The following RRH variants were observed in gnomAD, a reference collection of about 807,000 sequenced individuals.
The protein encoded by RRH is visual pigment-like receptor peropsin.
A neutral mutation model predicts 33.1 loss-of-function variants in RRH; 36 were observed. The observed-to-expected ratio is 1.09, with a 90% CI of 0.83 to 1.44. RRH has a LOEUF of 1.44. RRH is among the 40% of genes most tolerant of loss of function. The pLI is 0.00. For missense variants in RRH, 393 were observed against 420.2 expected, an observed-to-expected ratio of 0.94 and a Z score of 0.57; for synonymous variants, 124 against 140.2, an observed-to-expected ratio of 0.88 and a Z score of 0.82.
Position 109,833,183 on chromosome 4 carries a change from A to G in RRH, c.151A>G (p.Ile51Val), listed in dbSNP as rs1455086447. Residue 51 changes from isoleucine to valine, a missense_variant, in exon 2 of 7, where the codon ATT becomes GTT. Coordinates refer to ENST00000317735, the MANE Select transcript of RRH (RefSeq NM_006583.5). ...CAACATAATAGTTCTGGGCATCTTC[A>G]TTAAGTACAAGGAACTTCGGACACC... ...ISNIIVLGIF[I>V]KYKELRTPTN... The G allele has an allele frequency of 1.8e-5, 29 of 1,613,884 alleles. No homozygotes were observed. The highest frequency in any genetic ancestry group is 2.4e-5 in the Non-Finnish European group (28 of 1,179,882).
intron 1 of RRH, among the ~76,000 whole-genome samples, chr4:109,832,055 T>C (rs1003954504): frequency 6.6e-6 from 1 of 151,614 alleles, no homozygotes; most frequent in Non-Finnish European, 1.5e-5. Flanking sequence ...AAGTAATTCT[T>C]TTCTTGATGG....
rs1733881247 is a variant in RRH, at chr4:109,836,151, A to G, written c.542A>G (p.Lys181Arg). The G allele has an allele frequency of 1.9e-6, 3 of 1,614,164 alleles. No individual in the cohort carries two copies. The East Asian group carries it at 6.7e-5, about 36-fold the overall frequency. The change falls in exon 4 of 7, where the codon AAA becomes AGA. Residue 181 changes from lysine to arginine, a missense_variant. Lys to Arg is a conservative substitution (Grantham distance 26, BLOSUM62 2). Coordinates refer to ENST00000317735, the MANE Select transcript of RRH (RefSeq NM_006583.5). ...TGATCTINWR[K>R]NDRSFVSYTM... ...GCTACGTGTACCATAAACTGGAGGA[A>G]AAATGATAGGTAAGAGACAAGTTTA...
chr4:109,834,300 C>G, intron 2 of RRH, among the ~76,000 whole-genome samples: 1 of 147,844 alleles, frequency 6.8e-6, no homozygotes, highest in South Asian at 2.2e-4. Flanking sequence ...CTTATTGGAC[C>G]TTTGTTGCCA....
chr4:109,842,113 A>C (rs1164737313), intron 5 of RRH, among the ~76,000 whole-genome samples: 3 of 152,206 alleles, frequency 2.0e-5, no homozygotes, highest in Non-Finnish European at 4.4e-5. Flanking sequence ...TCATAGCATA[A>C]TGATGTGAAG....
In RRH at chr4:109,833,311, T is replaced by C; in HGVS notation, c.279T>C (p.Phe93=). Residue 93 remains phenylalanine (F), a synonymous_variant, in exon 2 of 7, where the codon TTT becomes TTC. Transcript: ENST00000317735. The part of the protein sequence containing the change: ...AASDLYGSWK[F]GYAGCQVYAG... ...CAGATCTGTATGGAAGTTGGAAATTTGGATACGCAGGCTGTCAGGTATTGG... is the reference window on the plus strand; with the variant it reads ...CAGATCTGTATGGAAGTTGGAAATTCGGATACGCAGGCTGTCAGGTATTGG... 1.9e-6 allele frequency: 3 copies of C among 1,614,084 alleles called. No individual in the cohort carries two copies. The highest frequency in any genetic ancestry group is 2.5e-6 in the Non-Finnish European group (3 of 1,179,942).
chr4:109,844,030 A>G (rs1734032074), intron 6 of RRH, 53 bp from the exon 7 acceptor site: 1 of 1,175,710 alleles, frequency 8.5e-7, no homozygotes, highest in Non-Finnish European at 1.3e-6. Context: ...AAAATGCTTT[A>G]GAAGTTCCAA....
chr4:109,833,768 A>AT (rs1733814297), intron 2 of RRH, among the ~76,000 whole-genome samples: 1 of 152,164 alleles, frequency 6.6e-6, no homozygotes, highest in South Asian at 2.1e-4. Flanking sequence ...ACTAAATGTT[A>AT]TTTTTTAGTA....
At chr4:109,842,709 C>T (rs1734008607) in intron 6 of RRH, 62 bp downstream of exon 6, 5 of 1,452,888 alleles carry the variant, frequency 3.4e-6, no homozygotes, top group Non-Finnish European at 3.9e-6. Context: ...AATGTTAAGA[C>T]TTCTTGGGAG....
chr4:109,836,002 A>C lies in RRH; in HGVS notation c.398-5A>C, dbSNP rs1038894045. ...GTTGCTAATATTTCCTGTGCTTGAT[A>C]ATAGGGAGAAGAATGACCACCAACA... On this transcript the variant is annotated splice_region_variant and splice_polypyrimidine_tract_variant and intron_variant, in intron 3 of 6. Coordinates refer to ENST00000317735, the MANE Select transcript of RRH (RefSeq NM_006583.5). 2.5e-6 allele frequency: 4 copies of C among 1,614,050 alleles called. No homozygotes were observed. Among genetic ancestry groups the C allele is most frequent in the Non-Finnish European group, 3.4e-6 (4 of 1,180,024 alleles).
chr4:109,835,460 ACGTAGGT>A lies in RRH; in HGVS notation c.393_397+2del, dbSNP rs1733861228. The A allele has an allele frequency of 6.2e-7, 1 of 1,610,662 alleles. No individual in the cohort carries two copies. Among genetic ancestry groups the A allele is most frequent in the East Asian group, 2.2e-5 (1 of 44,850 alleles). Reference sequence around the variant, plus strand: ...CGATACCTGACCATCTGCCTTCCTGACGTAGGTACAACACTTTTCTCAGCTTTCTTAA... The same window carrying A: ...CGATACCTGACCATCTGCCTTCCTGAACAACACTTTTCTCAGCTTTCTTAA... On this transcript the variant is annotated splice_donor_variant and coding_sequence_variant, in exon 3 of 7. Transcript: ENST00000317735. LOFTEE classifies it high-confidence loss of function.
At chr4:109,843,967 A>C in intron 6 of RRH, 116 bp from the exon 7 acceptor site, 1 of 719,584 alleles carries the variant, frequency 1.4e-6, no homozygotes, top group Middle Eastern at 2.4e-4. Flanking sequence ...AGTTGGAGGC[A>C]GAAATTTATC....
intron 2 of RRH, 112 bp downstream of exon 2, chr4:109,833,441 C>G: frequency 1.2e-6 from 1 of 846,166 alleles, no homozygotes; most frequent in East Asian, 2.7e-5. Context: ...ATAATAGATA[C>G]AGTGCTTTTA....
intron 1 of RRH, among the ~76,000 whole-genome samples, chr4:109,832,621 A>G (rs1462284464): frequency 6.6e-6 from 1 of 151,834 alleles, no homozygotes; most frequent in Non-Finnish European, 1.5e-5. Flanking sequence ...AGTAAACGAC[A>G]ATGAGTTCAA....
At chr4:109,833,425 T>C in intron 2 of RRH, 96 bp downstream of exon 2, 2 of 947,432 alleles carry the variant, frequency 2.1e-6, no homozygotes, top group Non-Finnish European at 3.3e-6. Context: ...AATTGAATAT[T>C]GTAGAATAAT....
chr4:109,839,365 G>T (rs1195704230), intron 5 of RRH, among the ~76,000 whole-genome samples: 1 of 152,116 alleles, frequency 6.6e-6, no homozygotes, highest in Non-Finnish European at 1.5e-5. Flanking sequence ...ACCTCCCCCT[G>T]TTCCCAGCCT....
chr4:109,833,078 G>A, intron 1 of RRH, 61 bp from the exon 2 acceptor site: 1 of 1,335,036 alleles, frequency 7.5e-7, no homozygotes, highest in Non-Finnish European at 1.1e-6. Flanking sequence ...ATTTAATTTT[G>A]AGTCTACTTT....
intron 1 of RRH, among the ~76,000 whole-genome samples, chr4:109,830,528 A>G (rs1369184525): frequency 2.6e-5 from 4 of 152,094 alleles, no homozygotes; most frequent in African/African-American, 9.7e-5. Context: ...ATCAAAGATG[A>G]TGCCTAGGTT....
chr4:109,833,152 TATC>T lies in RRH; in HGVS notation c.122_124del (p.Ile41del), dbSNP rs778233260. The T allele has an allele frequency of 9.0e-5, 145 of 1,613,254 alleles. No homozygotes were observed. The highest frequency in any genetic ancestry group is 6.6e-4 in the Middle Eastern group (4 of 6,084). ...GTGTGTTCTCAGGTATGATAAGTAT[TATC>T]AGCAACATAATAGTTCTGGGCATCT... On this transcript the variant is annotated inframe_deletion, in exon 2 of 7. Coordinates refer to ENST00000317735, the MANE Select transcript of RRH (RefSeq NM_006583.5).
chr4:109,838,948 C>T (rs1733937443), intron 5 of RRH, among the ~76,000 whole-genome samples: 1 of 152,098 alleles, frequency 6.6e-6, no homozygotes, highest in South Asian at 2.1e-4. Context: ...TTTCTAGTAT[C>T]ATTTCTCTGA....
Sources: allele counts gnomAD v4.1 joint callset (sites outside exome capture counted in the v4.1 genomes callset), GRCh38; gene constraint gnomAD v4.1.1; transcripts MANE v1.5; gene names NCBI Gene and HGNC (gene_info 2026-07-23, HGNC 2026-07-21).